The following PDE3B variants were observed in gnomAD, a reference collection of about 807,000 sequenced individuals.
PDE3B encodes the protein phosphodiesterase 3B.
Under a neutral mutation model 116.8 loss-of-function variants are expected in PDE3B, and 66 were observed. That is an observed-to-expected ratio of 0.56 (90% CI 0.46 to 0.69). The LOEUF is 0.69. PDE3B is among the 30% of genes least tolerant of loss of function. The pLI is 0.00. For missense variants in PDE3B, 1,384 were observed against 1,368.1 expected (o/e 1.01, Z -0.18); for synonymous variants, 595 against 533.6 (o/e 1.12, Z -1.59).
intron 1 of PDE3B, among the ~76,000 whole-genome samples, chr11:14,685,056 G>A (rs1382938216): frequency 6.6e-6 from 1 of 152,096 alleles, no homozygotes; most frequent in Non-Finnish European, 1.5e-5. Context: ...ATTAAAGTAA[G>A]ACAGGCATAA....
intron 1 of PDE3B, among the ~76,000 whole-genome samples, chr11:14,653,598 C>T (rs113905452): frequency 1.5e-3 from 221 of 151,376 alleles, no homozygotes; most frequent in African/African-American, 4.9e-3. Flanking sequence ...AAAAAAACCA[C>T]ACCCACCAAA....
intron 1 of PDE3B, among the ~76,000 whole-genome samples, chr11:14,702,805 A>G (rs1855407954): frequency 6.6e-6 from 1 of 151,860 alleles, no homozygotes; most frequent in Non-Finnish European, 1.5e-5. Flanking sequence ...ATCATGGTTT[A>G]TAACATACCT....
intron 7 of PDE3B, among the ~76,000 whole-genome samples, chr11:14,821,776 G>A (rs1298368669): frequency 6.6e-6 from 1 of 152,000 alleles, no homozygotes; most frequent in Non-Finnish European, 1.5e-5. Context: ...CACCTATTAT[G>A]TATAACATCT....
chr11:14,831,329 C>T (rs1277926246), intron 8 of PDE3B, among the ~76,000 whole-genome samples: 1 of 151,304 alleles, frequency 6.6e-6, no homozygotes. Flanking sequence ...CCCTTTGATA[C>T]CTGTAACTAC....
intron 1 of PDE3B, among the ~76,000 whole-genome samples, chr11:14,701,701 C>G (rs753277349): frequency 2.6e-5 from 4 of 151,552 alleles, no homozygotes; most frequent in Non-Finnish European, 5.9e-5. Context: ...CATTCTCTTG[C>G]TATAGTTATG....
chr11:14,747,012 C>T (rs531232767), intron 1 of PDE3B, among the ~76,000 whole-genome samples: 8 of 152,128 alleles, frequency 5.3e-5, no homozygotes, highest in South Asian at 2.1e-4. Context: ...CTGCTCCTGG[C>T]GAGTGCCTCA....
chr11:14,763,745 A>C lies in PDE3B; in HGVS notation c.979-8192A>C, dbSNP rs115322715. ...GATACAGATATTAGAAGGTAATATGATGATTTGATAAATAAAAACAAGGTC... is the reference window on the plus strand; with the variant it reads ...GATACAGATATTAGAAGGTAATATGCTGATTTGATAAATAAAAACAAGGTC... On this transcript the variant is annotated intron_variant, in intron 1 of 15. Coordinates refer to ENST00000282096, the MANE Select transcript of PDE3B (RefSeq NM_000922.4). Among the ~76,000 whole-genome samples, 375 of 152,268 alleles carry C rather than the reference A, an allele frequency of 2.5e-3. 1 individual carries two copies. Among genetic ancestry groups the C allele is most frequent in the African/African-American group, 8.5e-3 (352 of 41,566 alleles).
chr11:14,844,159 T>C (rs1338925374), intron 12 of PDE3B, 133 bp downstream of exon 12: 5 of 650,934 alleles, frequency 7.7e-6, no homozygotes, highest in East Asian at 5.4e-5. Flanking sequence ...TTTTAATTAA[T>C]TGGATAACAC....
chr11:14,644,381 T>G lies in PDE3B; in HGVS notation c.306T>G (p.Ala102=). Residue 102 remains alanine, a synonymous_variant, in exon 1 of 16, where the codon GCT becomes GCG. Transcript: ENST00000282096. Reference sequence around the variant, plus strand: ...TGGGCGCGGAACCCGAGAGCTGGGCTGCCGGGGCCGCCTGGCTGCGGACGC... The same window carrying G: ...TGGGCGCGGAACCCGAGAGCTGGGCGGCCGGGGCCGCCTGGCTGCGGACGC... ...LLLGAEPESW[A]AGAAWLRTLL... 6.2e-7 allele frequency: 1 copy of G among 1,601,766 alleles called. No homozygotes were observed. Among genetic ancestry groups the G allele is most frequent in the Non-Finnish European group, 8.5e-7 (1 of 1,175,348 alleles).
At chr11:14,887,431 G>A in the PDE3B span, 1 of 214,072 alleles carries the variant, frequency 4.7e-6, no homozygotes, top group South Asian at 1.6e-4. Context: ...ATGTATTCCT[G>A]TATACAGTTT....
chr11:14,811,281 C>T (rs1369251491), intron 5 of PDE3B, among the ~76,000 whole-genome samples: 2 of 152,094 alleles, frequency 1.3e-5, no homozygotes, highest in Non-Finnish European at 2.9e-5. Context: ...AGGTTTTCTT[C>T]TAGGGTTTTT....
At chr11:14,827,797 C>A (rs1464563277) in intron 7 of PDE3B, among the ~76,000 whole-genome samples, 1 of 152,046 alleles carries the variant, frequency 6.6e-6, no homozygotes, top group Non-Finnish European at 1.5e-5. Context: ...AAATTCATCA[C>A]AAAACTAGAA....
chr11:14,699,881 G>T (rs1855315701), intron 1 of PDE3B, among the ~76,000 whole-genome samples: 1 of 151,752 alleles, frequency 6.6e-6, no homozygotes, highest in Admixed American at 6.6e-5. Flanking sequence ...TTTAGAGCTA[G>T]AAACTTTTTC....
intron 1 of PDE3B, among the ~76,000 whole-genome samples, chr11:14,681,667 G>A (rs1854713968): frequency 6.6e-6 from 1 of 152,188 alleles, no homozygotes; most frequent in African/African-American, 2.4e-5. Flanking sequence ...TAGAGCTGTT[G>A]TAAATGGTAT....
At chr11:14,875,636 C>T (rs1177725318), downstream of PDE3B, among the ~76,000 whole-genome samples, 1 of 152,104 alleles carries the variant, frequency 6.6e-6, no homozygotes, top group Non-Finnish European at 1.5e-5. Flanking sequence ...TTTATTTTTA[C>T]CACAGCTAAC....
At chr11:14,733,916 T>G (rs1264168225) in intron 1 of PDE3B, among the ~76,000 whole-genome samples, 1 of 152,182 alleles carries the variant, frequency 6.6e-6, no homozygotes, top group Non-Finnish European at 1.5e-5. Flanking sequence ...AAAAACTATT[T>G]GAGAAAGAGA....
chr11:14,861,207 A>C lies in PDE3B; in HGVS notation c.2727A>C (p.Ala909=). The C allele has an allele frequency of 6.2e-7, 1 of 1,606,132 alleles. No individual in the cohort carries two copies. The highest frequency in any genetic ancestry group is 8.5e-7 in the Non-Finnish European group (1 of 1,174,864). ...ATGATGTTGTTTTTCCAAAATAGGC[A>C]AATGATGTAAATAGTAATGGCATAG... The part of the protein sequence containing the change: ...FDFLAEFNAK[A]NDVNSNGIEW... The change falls in exon 14 of 16, where the codon GCA becomes GCC. Residue 909 remains alanine (A), a splice_region_variant and synonymous_variant. Coordinates refer to ENST00000282096, the MANE Select transcript of PDE3B (RefSeq NM_000922.4).
In PDE3B at chr11:14,644,833, G is replaced by C. The variant is rs1167627716; in HGVS notation, c.758G>C (p.Gly253Ala). 3 of 1,612,302 alleles carry C rather than the reference G, an allele frequency of 1.9e-6. No homozygotes were observed. Among genetic ancestry groups the C allele is most frequent in the Admixed American group, 3.3e-5 (2 of 59,832 alleles). Reference sequence around the variant, plus strand: ...AGGCCGCTGCTCTCCGGCCTGGTGGGGGGCGCTGGCTGCCTGCTGGCCCTG... The same window carrying C: ...AGGCCGCTGCTCTCCGGCCTGGTGGCGGGCGCTGGCTGCCTGCTGGCCCTG... ...ALRPLLSGLV[G>A]GAGCLLALGL... Residue 253 changes from glycine to alanine, a missense_variant, in exon 1 of 16, where the codon GGG (glycine) becomes GCG (alanine). Gly to Ala is a moderately conservative substitution (Grantham distance 60). Transcript: ENST00000282096.
At chr11:14,837,337 C>T (rs544337187) in intron 11 of PDE3B, among the ~76,000 whole-genome samples, 6 of 152,284 alleles carry the variant, frequency 3.9e-5, no homozygotes, top group East Asian at 1.9e-4. Flanking sequence ...TCTTTGCTTA[C>T]GAGTTCTCCC....
Sources: gnomAD v4.1 joint callset for allele counts (sites outside exome capture counted in the v4.1 genomes callset) on GRCh38, gnomAD v4.1.1 for gene constraint, MANE v1.5 for transcripts, NCBI Gene and HGNC (gene_info 2026-07-23, HGNC 2026-07-21) for gene names.